The following EML6 variants were observed in gnomAD, a reference collection of about 807,000 sequenced individuals.
EML6 encodes the protein echinoderm microtubule-associated protein-like 6.
In EML6, 154 loss-of-function variants were observed where a neutral mutation model predicts 240.1. The ratio of observed to expected loss-of-function variants is 0.64; its 90% CI spans 0.56 to 0.73. The LOEUF is 0.73. Among genes scored for constraint, EML6 ranks in the 30% least tolerant of loss-of-function variants. The pLI, the probability that EML6 is intolerant of heterozygous loss-of-function variation, is 0.00. For missense variants in EML6, 2,964 were observed against 2,474.6 expected (o/e 1.20, Z -4.20); for synonymous variants, 1,148 against 899.0 (o/e 1.28, Z -4.95).
intron 7 of EML6, among the ~76,000 whole-genome samples, chr2:54,837,995 G>C (rs1669241539): frequency 6.6e-6 from 1 of 152,118 alleles, no homozygotes; most frequent in African/African-American, 2.4e-5. Flanking sequence ...CAAATAATTG[G>C]GAGAAAAGGC....
intron 2 of EML6, among the ~76,000 whole-genome samples, 191 bp from the exon 3 acceptor site, chr2:54,813,041 G>A (rs922619951): frequency 6.6e-6 from 1 of 152,194 alleles, no homozygotes; most frequent in African/African-American, 2.4e-5. Flanking sequence ...TTGTCAGACT[G>A]TGCTAAGCCT....
chr2:54,946,428 C>G (rs550289059), intron 28 of EML6, among the ~76,000 whole-genome samples: 3 of 152,160 alleles, frequency 2.0e-5, no homozygotes, highest in Non-Finnish European at 4.4e-5. Flanking sequence ...AGTGAATGTC[C>G]TCATGCCTCC....
chr2:54,771,005 T>G (rs1668379979), intron 2 of EML6, among the ~76,000 whole-genome samples: 1 of 152,044 alleles, frequency 6.6e-6, no homozygotes, highest in Admixed American at 6.6e-5. Context: ...GGTGGGGAAG[T>G]GGAAGGTCAA....
At position 54,963,980 on chromosome 2, in the gene EML6, A is replaced by C; in HGVS notation, c.5158-6A>C. 6.5e-7 allele frequency: 1 copy of C among 1,548,838 alleles called. No individual in the cohort carries two copies. The highest frequency in any genetic ancestry group is 8.7e-7 in the Non-Finnish European group (1 of 1,145,790). On this transcript the variant is annotated splice_polypyrimidine_tract_variant and splice_region_variant and intron_variant, in intron 36 of 41. Coordinates refer to ENST00000356458, the MANE Select transcript of EML6 (RefSeq NM_001039753.4). ...GCTCAGGTGACTTTCCTTTGCATCAATGTAGAAGCTGTTAAACAAGGTGAG... is the reference window on the plus strand; with the variant it reads ...GCTCAGGTGACTTTCCTTTGCATCACTGTAGAAGCTGTTAAACAAGGTGAG...
At chr2:54,796,618 A>C (rs146771518) in intron 2 of EML6, among the ~76,000 whole-genome samples, 53 of 152,164 alleles carry the variant, frequency 3.5e-4, no homozygotes, top group Non-Finnish European at 7.2e-4. Flanking sequence ...GCTTGCATAC[A>C]CGAGCGCACA....
chr2:54,849,527 C>A (rs998099921), intron 9 of EML6, among the ~76,000 whole-genome samples: 1 of 152,252 alleles, frequency 6.6e-6, no homozygotes, highest in Admixed American at 6.5e-5. Flanking sequence ...CTTGCTCTGT[C>A]GCCCAAGCTG....
At position 54,959,273 on chromosome 2, in the gene EML6, C is replaced by G; in HGVS notation, c.4853+12C>G. ...GGAAAAGAGAGGCCGTAAGCCAAAG[C>G]TCCTATGGAAACAACTTGTCGTTTG... On this transcript the variant is annotated intron_variant, in intron 34 of 41. Coordinates refer to ENST00000356458, the MANE Select transcript of EML6 (RefSeq NM_001039753.4). 6.6e-7 allele frequency: 1 copy of G among 1,510,972 alleles called. No homozygotes were observed. Among genetic ancestry groups the G allele is most frequent in the Non-Finnish European group, 8.9e-7 (1 of 1,127,236 alleles). 93.6% of individuals were successfully genotyped at this position (1,510,972 alleles called of 1,614,324 possible).
At position 54,847,616 on chromosome 2, in the gene EML6, C is replaced by G. The variant is rs1161453577; in HGVS notation, c.1180C>G (p.Arg394Gly). 1 of 1,552,276 alleles carries G rather than the reference C, an allele frequency of 6.4e-7. No individual in the cohort carries two copies. ...GAAGGACGGCTCTTTCATTGTTCTC[C>G]GAGTCAGGCACGTACTGATGTTGAA... ...GMKDGSFIVLRVRDMTEVVHI... is the reference protein window; with the variant it reads ...GMKDGSFIVLGVRDMTEVVHI... The change falls in exon 9 of 42, where the codon CGA (arginine) becomes GGA (glycine). Residue 394 changes from arginine to glycine, a missense_variant. By Grantham distance (125) the Arg-to-Gly change is moderately radical (BLOSUM62 -2). Transcript: ENST00000356458.
rs949085925 is a variant in EML6 at position 54,950,915 on chromosome 2, G to T, written c.4213+136G>T. 8 of 950,968 alleles carry T rather than the reference G, an allele frequency of 8.4e-6. No homozygotes were observed. In the Middle Eastern group the frequency reaches 9.5e-4, roughly 113 times the overall value. The allele number at this position is 950,968 out of a possible 1,614,324, so 58.9% of individuals were successfully genotyped here. A position where few individuals can be genotyped will look rare whatever the true frequency, so the allele number is the denominator to read the frequency against. On this transcript the variant is annotated intron_variant, in intron 30 of 41. Transcript: ENST00000356458. ...TCCCCCCAATTCCAGCATGGTCTCA[G>T]TTAGGCCTGGTAACGCTCAGGTTCA...
rs139310211 is a variant in EML6 at position 54,891,238 on chromosome 2, C to G, written c.2539+84C>G. The G allele has an allele frequency of 3.0e-5, 19 of 629,484 alleles. No individual in the cohort carries two copies. In the Admixed American group the frequency reaches 4.3e-4, roughly 14 times the overall value. The allele number at this position is 629,484 out of a possible 1,614,324, so 39.0% of individuals were successfully genotyped here. The stretch of plus-strand genomic sequence containing the variant: ...AAAACAAAACAAACTGTTGCTACTA[C>G]CTCGCTTGTCTCTGCAATCTAAAAT... On this transcript the variant is annotated intron_variant, in intron 18 of 41. Transcript: ENST00000356458.
chr2:54,892,512 G>A lies in EML6; in HGVS notation c.2598G>A (p.Met866Ile), dbSNP rs116607767. 170 of 1,551,424 alleles carry A rather than the reference G, an allele frequency of 1.1e-4. No homozygotes were observed. In the African/African-American group the frequency reaches 2.2e-3, roughly 20 times the overall value. The change falls in exon 19 of 42, where the codon ATG becomes ATA. Residue 866 changes from methionine (M) to isoleucine (I), a missense_variant. Coordinates refer to ENST00000356458, the MANE Select transcript of EML6 (RefSeq NM_001039753.4). ...GAAGCGTTGGAAAATTGGAAACAATGATGTGTGTTTCTTACGGACGAATGG... is the reference window on the plus strand; with the variant it reads ...GAAGCGTTGGAAAATTGGAAACAATAATGTGTGTTTCTTACGGACGAATGG... ...TFGSVGKLET[M>I]MCVSYGRMED...
rs752000075 is a variant in EML6 at position 54,794,201 on chromosome 2, G to A, written c.198-19031G>A. On this transcript the variant is annotated intron_variant, in intron 2 of 41. Transcript: ENST00000356458. ...GGCCCTGCTGCTTGGTCATGCAGCA[G>A]GGGAGCTGGGATTTCAGCAGAGGCC... 2.0e-5 allele frequency among the ~76,000 whole-genome samples: 3 copies of A among 152,178 alleles called. No homozygotes were observed. In the East Asian group the frequency reaches 5.8e-4, roughly 29 times the overall value.
At chr2:54,856,243 C>A (rs1394432267) in intron 11 of EML6, among the ~76,000 whole-genome samples, 1 of 152,162 alleles carries the variant, frequency 6.6e-6, no homozygotes, top group African/African-American at 2.4e-5. Context: ...TAGACTATAT[C>A]CTGTTTGACC....
At chr2:54,927,443 C>T (rs1434739078) in intron 26 of EML6, among the ~76,000 whole-genome samples, 1 of 152,220 alleles carries the variant, frequency 6.6e-6, no homozygotes, top group East Asian at 1.9e-4. Flanking sequence ...TCAGAGAGTG[C>T]ATGTGGCCTT....
chr2:54,967,770 A>T lies in EML6; in HGVS notation c.5598-358A>T, dbSNP rs545611825. 2.0e-5 allele frequency among the ~76,000 whole-genome samples: 3 copies of T among 152,312 alleles called. No individual in the cohort carries two copies. The South Asian group carries it at 6.2e-4, about 32-fold the overall frequency. Reference sequence around the variant, plus strand: ...ATTTCATGGAATACAATTTTTCCAGAGACCAGGTAGGGGGTGGGGTTTCGG... The same window carrying T: ...ATTTCATGGAATACAATTTTTCCAGTGACCAGGTAGGGGGTGGGGTTTCGG... On this transcript the variant is annotated intron_variant, in intron 39 of 41. Transcript: ENST00000356458.
intron 28 of EML6, among the ~76,000 whole-genome samples, chr2:54,939,295 G>A (rs1290045180): frequency 6.6e-6 from 1 of 152,202 alleles, no homozygotes; most frequent in Non-Finnish European, 1.5e-5. Flanking sequence ...TCCAAGTAGT[G>A]GTCTGAAGTG....
chr2:54,793,553 G>A (rs1669583663), intron 2 of EML6, among the ~76,000 whole-genome samples: 1 of 152,024 alleles, frequency 6.6e-6, no homozygotes, highest in South Asian at 2.1e-4. Flanking sequence ...TTCCTCACAC[G>A]CCCGCAACAT....
At chr2:54,943,394 C>T (rs563394833) in intron 28 of EML6, among the ~76,000 whole-genome samples, 1 of 152,204 alleles carries the variant, frequency 6.6e-6, no homozygotes, top group African/African-American at 2.4e-5. Flanking sequence ...TGTCCTCAAC[C>T]AAAAAATACA....
intron 2 of EML6, among the ~76,000 whole-genome samples, chr2:54,809,567 G>T (rs1187135539): frequency 1.3e-5 from 2 of 152,148 alleles, no homozygotes; most frequent in Non-Finnish European, 2.9e-5. Flanking sequence ...AAGGAGCAGA[G>T]AGCAATTGTG....
Sources: gnomAD v4.1 joint callset for allele counts (sites outside exome capture counted in the v4.1 genomes callset) on GRCh38, gnomAD v4.1.1 for gene constraint, MANE v1.5 for transcripts, NCBI Gene and HGNC (gene_info 2026-07-23, HGNC 2026-07-21) for gene names.